The following SLC24A1 variants were observed in gnomAD, a reference collection of about 807,000 sequenced individuals.
SLC24A1 encodes the protein solute carrier family 24 member 1, also known as sodium/potassium/calcium exchanger 1.
In SLC24A1, 52 loss-of-function variants were observed where a neutral mutation model predicts 88.1. The ratio of observed to expected loss-of-function variants is 0.59; its 90% CI spans 0.47 to 0.74. The LOEUF (loss-of-function observed/expected upper bound fraction) is 0.74, where lower values mean the gene tolerates loss of function less well. Ranked by LOEUF, SLC24A1 falls within the 30% of genes least tolerant of loss-of-function variation. The pLI, the probability that SLC24A1 is intolerant of heterozygous loss-of-function variation, is 0.00. For missense variants in SLC24A1, 1,173 were observed against 1,363.3 expected, an observed-to-expected ratio of 0.86 and a Z score of 2.20; for synonymous variants, 455 against 498.0, an observed-to-expected ratio of 0.91 and a Z score of 1.15.
At chr15:65,648,501 A>C (rs2075385727) in intron 6 of SLC24A1, among the ~76,000 whole-genome samples, 2 of 148,200 alleles carry the variant, frequency 1.3e-5, no homozygotes, top group South Asian at 4.2e-4. Context: ...TTTTTTTTTG[A>C]GACTGAGTCT....
At chr15:65,651,325 G>T (rs1265495931) in intron 7 of SLC24A1, among the ~76,000 whole-genome samples, 1 of 152,136 alleles carries the variant, frequency 6.6e-6, no homozygotes, top group Non-Finnish European at 1.5e-5. Context: ...ATTCTTATTT[G>T]CAAGGAAAGG....
intron 6 of SLC24A1, among the ~76,000 whole-genome samples, chr15:65,648,668 ATTTAT>A (rs999171228): frequency 4.7e-5 from 7 of 150,018 alleles, no homozygotes; most frequent in African/African-American, 1.7e-4. Context: ...ATTTTTATTT[ATTTAT>A]TTTTTTTAAG....
intron 2 of SLC24A1, among the ~76,000 whole-genome samples, chr15:65,634,821 GA>G (rs59710940): frequency 0.017 from 2,598 of 148,864 alleles, 58 homozygotes; most frequent in African/African-American, 0.045. Flanking sequence ...AGAAAAAAAA[GA>G]AAAAAAGAGA....
chr15:65,625,061 C>T lies in SLC24A1; in HGVS notation c.981C>T (p.Thr327=). The T allele has an allele frequency of 6.2e-7, 1 of 1,613,764 alleles. No homozygotes were observed. Among genetic ancestry groups the T allele is most frequent in the Non-Finnish European group, 8.5e-7 (1 of 1,179,858 alleles). The change falls in exon 2 of 10, where the codon ACC becomes ACT. Residue 327 remains threonine (T), a synonymous_variant. Coordinates refer to ENST00000261892, the MANE Select transcript of SLC24A1 (RefSeq NM_004727.3). ...CTGAGGGGCAGGTGACAATAAGCAC[C>T]ATGACAGGCAGCAGCCCAGCAGAAA... ...ATSEGQVTIS[T]MTGSSPAETK...
In SLC24A1 at chr15:65,624,746, C is replaced by T. The variant is rs1378359563; in HGVS notation, c.666C>T (p.Asp222=). 3.1e-6 allele frequency: 5 copies of T among 1,613,478 alleles called. No individual in the cohort carries two copies. The East Asian group carries it at 8.9e-5, about 29-fold the overall frequency. The stretch of plus-strand genomic sequence containing the variant: ...TCACCCCCAGGACAACAGTGAAAGA[C>T]AGTGACATTACAGCAACCTATAAAA... ...HAITPRTTVK[D]SDITATYKIL... is the part of the protein sequence containing the mutation. The change falls in exon 2 of 10, where the codon GAC becomes GAT. Residue 222 remains aspartate, a synonymous_variant. Coordinates refer to ENST00000261892, the MANE Select transcript of SLC24A1 (RefSeq NM_004727.3).
rs777137711 is a variant in SLC24A1, at chr15:65,625,812, G to T, written c.1732G>T (p.Asp578Tyr). Residue 578 changes from aspartate (D) to tyrosine (Y), a missense_variant, in exon 2 of 10, where the codon GAC (aspartate) becomes TAC (tyrosine). Transcript: ENST00000261892. ...GATAATGCTCATCCTCTTCTTCCTGGACAGCCTCATTGCCTGGTGGGAGAG... is the reference window on the plus strand; with the variant it reads ...GATAATGCTCATCCTCTTCTTCCTGTACAGCCTCATTGCCTGGTGGGAGAG... ...DLIMLILFFL[D>Y]SLIAWWESLL... 1 of 1,613,944 alleles carries T rather than the reference G, an allele frequency of 6.2e-7. No homozygotes were observed. Among genetic ancestry groups the T allele is most frequent in the South Asian group, 1.1e-5 (1 of 91,078 alleles).
At chr15:65,652,596 T>A in intron 8 of SLC24A1, 46 bp from the exon 9 acceptor site, 1 of 1,587,944 alleles carries the variant, frequency 6.3e-7, no homozygotes, top group Non-Finnish European at 8.6e-7. Context: ...AGTGCTTGGA[T>A]GTGCCTCAGG....
At chr15:65,632,144 A>G (rs1424259954) in intron 2 of SLC24A1, among the ~76,000 whole-genome samples, 3 of 152,170 alleles carry the variant, frequency 2.0e-5, no homozygotes, top group African/African-American at 4.8e-5. Context: ...TTTTATTTCA[A>G]GCTCAACAAG....
intron 1 of SLC24A1, 101 bp from the exon 2 acceptor site, chr15:65,623,854 G>A (rs1386400162): frequency 6.2e-6 from 3 of 485,312 alleles, no homozygotes; most frequent in Admixed American, 3.7e-5. Flanking sequence ...TGATACTTTT[G>A]TGTTCCTGGG....
intron 4 of SLC24A1, among the ~76,000 whole-genome samples, chr15:65,640,181 G>A (rs535074467): frequency 1.3e-5 from 2 of 152,244 alleles, no homozygotes; most frequent in Admixed American, 6.5e-5. Context: ...GAAGTTCTTA[G>A]TGGCACTTCC....
At chr15:65,626,059 G>GA (rs2074504667) in intron 2 of SLC24A1, 89 bp downstream of exon 2, 1 of 903,932 alleles carries the variant, frequency 1.1e-6, no homozygotes, top group African/African-American at 1.6e-5. Context: ...TGCTGGATCA[G>GA]ACCTCAAGAG....
chr15:65,632,039 C>T (rs746036824), intron 2 of SLC24A1, among the ~76,000 whole-genome samples: 1 of 152,140 alleles, frequency 6.6e-6, no homozygotes, highest in South Asian at 2.1e-4. Flanking sequence ...ACCATGTTGT[C>T]CAGGATGGTC....
intron 8 of SLC24A1, 61 bp downstream of exon 8, chr15:65,651,820 G>T (rs1053313023): frequency 5.9e-6 from 5 of 851,190 alleles, no homozygotes; most frequent in Non-Finnish European, 1.0e-5. Flanking sequence ...TTTCCTTCAG[G>T]ATCAATCTCC....
intron 6 of SLC24A1, among the ~76,000 whole-genome samples, chr15:65,648,938 C>T (rs1276126980): frequency 1.3e-5 from 2 of 152,164 alleles, no homozygotes; most frequent in African/African-American, 4.8e-5. Flanking sequence ...AGACCACACC[C>T]AGCTATCAAT....
upstream of SLC24A1, among the ~76,000 whole-genome samples, chr15:65,621,198 T>C (rs558624173): frequency 6.6e-6 from 1 of 152,338 alleles, no homozygotes; most frequent in East Asian, 1.9e-4. Context: ...GGGCAGTCAG[T>C]AAATGTCAGG....
chr15:65,646,105 T>C (rs1284498998), intron 6 of SLC24A1, among the ~76,000 whole-genome samples: 2 of 152,232 alleles, frequency 1.3e-5, no homozygotes, highest in African/African-American at 4.8e-5. Context: ...CTACTGCACC[T>C]GGTCAGGCAT....
intron 9 of SLC24A1, among the ~76,000 whole-genome samples, chr15:65,653,574 A>G (rs1279869694): frequency 6.6e-6 from 1 of 152,204 alleles, no homozygotes; most frequent in Non-Finnish European, 1.5e-5. Context: ...AGTATGCAGA[A>G]AATAAAAACA....
chr15:65,614,639 C>T (rs1022704831), intron 2 of SLC24A1, among the ~76,000 whole-genome samples: 5 of 152,218 alleles, frequency 3.3e-5, no homozygotes, highest in African/African-American at 1.2e-4. Flanking sequence ...CGCAAAGCTG[C>T]TCTCTATTTT....
exon 1 of SLC24A1, chr15:65,611,463 C>T (rs761494584): frequency 5.9e-5 from 29 of 492,180 alleles, no homozygotes; most frequent in Non-Finnish European, 9.3e-5. Flanking sequence ...CCCCACTGAC[C>T]CATGGGCCTC....
Sources: allele counts gnomAD v4.1 joint callset (sites outside exome capture counted in the v4.1 genomes callset), GRCh38; gene constraint gnomAD v4.1.1; transcripts MANE v1.5; gene names NCBI Gene and HGNC (gene_info 2026-07-23, HGNC 2026-07-21).